CAMK1D: variants seen among roughly 807,000 people sequenced by gnomAD.
CAMK1D encodes calcium/calmodulin-dependent protein kinase type 1D.
A neutral mutation model predicts 47.7 loss-of-function variants in CAMK1D; 9 were observed. The observed-to-expected ratio is 0.19, with a 90% CI of 0.11 to 0.33. The LOEUF is 0.33. Among genes scored for constraint, CAMK1D ranks in the 10% least tolerant of loss-of-function variants. CAMK1D has a pLI of 1.00. For missense variants in CAMK1D, 291 were observed against 488.7 expected, an observed-to-expected ratio of 0.60 and a Z score of 3.81; for synonymous variants, 184 against 184.9, an observed-to-expected ratio of 0.99 and a Z score of 0.04.
At chr10:12,409,745 G>A (rs1839589591) in intron 1 of CAMK1D, among the ~76,000 whole-genome samples, 1 of 152,182 alleles carries the variant, frequency 6.6e-6, no homozygotes, top group African/African-American at 2.4e-5. Context: ...TTTACTTGTA[G>A]AGTTCAGTGA....
rs60844942 is a variant in CAMK1D at position 12,744,022 on chromosome 10, CAAAAAAAA to C, written c.300-16916_300-16909del. ...TGGGTAACAGAGTGAGACTCCGTTT[CAAAAAAAA>C]AAAAAAAAATTTGCCTTTTCTGGAC... On this transcript the variant is annotated intron_variant, in intron 3 of 10. Transcript: ENST00000619168. Among the ~76,000 whole-genome samples the C allele has an allele frequency of 7.9e-4, 79 of 99,908 alleles. 2 individuals carry two copies. The highest frequency in any genetic ancestry group is 0.01 in the Middle Eastern group (2 of 196). 65.5% of individuals were successfully genotyped at this position (99,908 alleles called of 152,430 possible).
At chr10:12,798,430 A>G (rs535136181) in intron 6 of CAMK1D, among the ~76,000 whole-genome samples, 2 of 152,294 alleles carry the variant, frequency 1.3e-5, no homozygotes, top group Admixed American at 6.5e-5. Flanking sequence ...ATAAATTACA[A>G]TCTAGTCTTA....
At chr10:12,799,294 G>A (rs571406954) in intron 6 of CAMK1D, among the ~76,000 whole-genome samples, 2 of 152,250 alleles carry the variant, frequency 1.3e-5, no homozygotes, top group African/African-American at 4.8e-5. Flanking sequence ...AGGACACGCC[G>A]AAAGTGCAGT....
intron 2 of CAMK1D, among the ~76,000 whole-genome samples, chr10:12,658,043 G>A (rs1164593277): frequency 6.6e-6 from 1 of 152,124 alleles, no homozygotes; most frequent in Non-Finnish European, 1.5e-5. Flanking sequence ...CTAGCTACTC[G>A]GGAGGCTGAG....
chr10:12,438,255 C>T (rs570072046), intron 1 of CAMK1D, among the ~76,000 whole-genome samples: 2 of 152,226 alleles, frequency 1.3e-5, no homozygotes, highest in Admixed American at 1.3e-4. Context: ...GAGCTTGGGA[C>T]CTTTTCCTTT....
In CAMK1D at chr10:12,428,463, C is replaced by T. The variant is rs113647986; in HGVS notation, c.92+78553C>T. 5.1e-3 allele frequency among the ~76,000 whole-genome samples: 770 copies of T among 152,236 alleles called. 8 individuals are homozygous for T. The highest frequency in any genetic ancestry group is 0.017 in the African/African-American group (704 of 41,522). ...ATCTCATGGTATTCCTCAAGGTGCCCGTTTCTCTCTCTCTCTGCTAATACC... is the reference window on the plus strand; with the variant it reads ...ATCTCATGGTATTCCTCAAGGTGCCTGTTTCTCTCTCTCTCTGCTAATACC... On this transcript the variant is annotated intron_variant, in intron 1 of 10. Transcript: ENST00000619168.
At chr10:12,471,629 C>T (rs1304569247) in intron 1 of CAMK1D, among the ~76,000 whole-genome samples, 2 of 152,200 alleles carry the variant, frequency 1.3e-5, no homozygotes, top group Non-Finnish European at 2.9e-5. Context: ...CCCTTCACTC[C>T]CACCCCTCCT....
At chr10:12,575,259 A>C (rs1276067987) in intron 2 of CAMK1D, among the ~76,000 whole-genome samples, 1 of 151,764 alleles carries the variant, frequency 6.6e-6, no homozygotes, top group Non-Finnish European at 1.5e-5. Flanking sequence ...GGCCCGGCTA[A>C]TTTTTATATT....
At chr10:12,576,512 A>G (rs1446357376) in intron 2 of CAMK1D, among the ~76,000 whole-genome samples, 1 of 152,146 alleles carries the variant, frequency 6.6e-6, no homozygotes, top group Non-Finnish European at 1.5e-5. Context: ...ACAACTCACC[A>G]TGATGTAGCA....
At chr10:12,770,364 C>T (rs1057076068) in intron 5 of CAMK1D, among the ~76,000 whole-genome samples, 3 of 152,214 alleles carry the variant, frequency 2.0e-5, no homozygotes, top group Non-Finnish European at 2.9e-5. Flanking sequence ...AAACTACTGA[C>T]GGATCTGAAC....
intron 1 of CAMK1D, among the ~76,000 whole-genome samples, chr10:12,404,555 A>G (rs1839343730): frequency 6.6e-6 from 1 of 152,176 alleles, no homozygotes; most frequent in Non-Finnish European, 1.5e-5. Flanking sequence ...GTTACTGTTC[A>G]TTATGTATTG....
intron 1 of CAMK1D, among the ~76,000 whole-genome samples, chr10:12,429,001 C>T (rs184709345): frequency 2.1e-4 from 32 of 152,320 alleles, no homozygotes; most frequent in African/African-American, 7.7e-4. Context: ...GGTTTATGAG[C>T]CACCAGGTTT....
intron 3 of CAMK1D, among the ~76,000 whole-genome samples, chr10:12,673,740 CT>C (rs1840704554): frequency 4.6e-5 from 7 of 151,946 alleles, no homozygotes; most frequent in Admixed American, 3.3e-4. Flanking sequence ...CCCTTTTTGC[CT>C]CCATTAGTTA....
intron 1 of CAMK1D, among the ~76,000 whole-genome samples, chr10:12,371,132 A>C (rs1837991406): frequency 6.6e-6 from 1 of 152,116 alleles, no homozygotes; most frequent in African/African-American, 2.4e-5. Flanking sequence ...AGTGTACAAT[A>C]TGTATAAAGT....
intron 2 of CAMK1D, among the ~76,000 whole-genome samples, chr10:12,636,343 G>A (rs1373236977): frequency 1.3e-5 from 2 of 152,088 alleles, no homozygotes; most frequent in African/African-American, 4.8e-5. Context: ...GTTTTGTTTT[G>A]TTGAGACGGT....
At chr10:12,781,867 C>G (rs1837512173) in intron 5 of CAMK1D, among the ~76,000 whole-genome samples, 1 of 151,938 alleles carries the variant, frequency 6.6e-6, no homozygotes, top group African/African-American at 2.4e-5. Context: ...AGGCTGGTCT[C>G]AAACTCCTGA....
chr10:12,733,274 GAGACCAAGA>G (rs1330284555), intron 3 of CAMK1D, among the ~76,000 whole-genome samples: 3 of 152,346 alleles, frequency 2.0e-5, no homozygotes, highest in Admixed American at 2.0e-4. Context: ...ACAGCTGAGA[GAGACCAAGA>G]AGACATCTTC....
intron 1 of CAMK1D, among the ~76,000 whole-genome samples, chr10:12,444,396 G>A (rs1383781502): frequency 6.6e-6 from 1 of 152,180 alleles, no homozygotes; most frequent in Non-Finnish European, 1.5e-5. Flanking sequence ...ATATGCTGAT[G>A]TCGATGAAAA....
intron 6 of CAMK1D, among the ~76,000 whole-genome samples, chr10:12,807,385 A>C (rs1322346465): frequency 6.6e-6 from 1 of 152,150 alleles, no homozygotes; most frequent in East Asian, 1.9e-4. Flanking sequence ...CACTGAGTGG[A>C]GATCTCTCCT....
Sources: allele counts gnomAD v4.1 joint callset (sites outside exome capture counted in the v4.1 genomes callset), GRCh38; gene constraint gnomAD v4.1.1; transcripts MANE v1.5; gene names NCBI Gene and HGNC (gene_info 2026-07-23, HGNC 2026-07-21).